FGF12: variants seen among roughly 807,000 people sequenced by gnomAD.
The protein encoded by FGF12 is fibroblast growth factor 12.
FGF12 carries 14 observed loss-of-function variants against 23.6 expected under a neutral mutation model. The observed-to-expected ratio is 0.59, with a 90% confidence interval of 0.39 to 0.93. The LOEUF (loss-of-function observed/expected upper bound fraction) is 0.93. Ranked by LOEUF, FGF12 falls within the 40% of genes least tolerant of loss-of-function variation. The probability of loss-of-function intolerance (pLI) is 0.00; values close to 1 mark genes in which losing one functional copy is unlikely to be tolerated. For missense variants in FGF12, 175 were observed against 217.8 expected, an observed-to-expected ratio of 0.80 and a Z score of 1.24; for synonymous variants, 62 against 77.3, an observed-to-expected ratio of 0.80 and a Z score of 1.04.
chr3:192,453,923 A>C (rs753871666), intron 2 of FGF12, among the ~76,000 whole-genome samples: 2 of 152,206 alleles, frequency 1.3e-5, no homozygotes, highest in Non-Finnish European at 2.9e-5. Flanking sequence ...TAAATAATAC[A>C]TATTTAGGAC....
intron 3 of FGF12, among the ~76,000 whole-genome samples, chr3:192,357,474 C>CTCAAAAAGTGTCA (rs1718525100): frequency 6.6e-6 from 1 of 151,402 alleles, no homozygotes; most frequent in Non-Finnish European, 1.5e-5. Flanking sequence ...GAGTGAGACT[C>CTCAAAAAGTGTCA]CATCTCAAAA....
intron 4 of FGF12, among the ~76,000 whole-genome samples, chr3:192,292,878 A>T (rs549617760): frequency 1.3e-5 from 2 of 152,170 alleles, no homozygotes; most frequent in East Asian, 3.9e-4. Context: ...CTGAGCTCAA[A>T]CGATCCTCCC....
At chr3:192,199,124 A>G (rs757170555) in intron 4 of FGF12, among the ~76,000 whole-genome samples, 4 of 152,200 alleles carry the variant, frequency 2.6e-5, no homozygotes, top group Non-Finnish European at 5.9e-5. Flanking sequence ...AATGCTAACT[A>G]AAGTTGCAAA....
At chr3:192,611,496 G>T (rs1339029488) in intron 2 of FGF12, among the ~76,000 whole-genome samples, 1 of 151,974 alleles carries the variant, frequency 6.6e-6, no homozygotes, top group Non-Finnish European at 1.5e-5. Flanking sequence ...TAGCCTTAAG[G>T]ATATCTGAAG....
chr3:192,327,955 G>T (rs1244587578), intron 4 of FGF12, among the ~76,000 whole-genome samples: 1 of 152,196 alleles, frequency 6.6e-6, no homozygotes, highest in Non-Finnish European at 1.5e-5. Context: ...AGATGCGAAT[G>T]TCAAGGCTCC....
chr3:192,188,162 G>T (rs1560184580), intron 4 of FGF12, among the ~76,000 whole-genome samples: 1 of 152,132 alleles, frequency 6.6e-6, no homozygotes, highest in Non-Finnish European at 1.5e-5. Flanking sequence ...GTGATTCTAA[G>T]AATGAAATCT....
In FGF12 at chr3:192,168,866, A is replaced by G. The variant is rs116080243; in HGVS notation, c.427+1592T>C. ...ATGTCATAATTTCTATGGGAGAGAAATGTATGCAATGACAAGCTGACCGAA... is the reference window on the plus strand; with the variant it reads ...ATGTCATAATTTCTATGGGAGAGAAGTGTATGCAATGACAAGCTGACCGAA... On this transcript the variant is annotated intron_variant, in intron 5 of 5. Transcript: ENST00000445105. Among the ~76,000 whole-genome samples, 571 of 152,336 alleles carry G rather than the reference A, an allele frequency of 3.7e-3. 3 individuals are homozygous for G. Among genetic ancestry groups the G allele is most frequent in the African/African-American group, 0.013 (546 of 41,590 alleles).
chr3:192,408,277 G>A lies in FGF12; in HGVS notation c.14-47739C>T, dbSNP rs1721050057. The A allele has an allele frequency of 1.3e-6, 2 of 1,504,218 alleles. No individual in the cohort carries two copies. Among genetic ancestry groups the A allele is most frequent in the Non-Finnish European group, 1.8e-6 (2 of 1,131,880 alleles). The allele number at this position is 1,504,218 out of a possible 1,614,324, so 93.2% of individuals were successfully genotyped here. ...GCCTCTACTGCGCCCTCCGGCTTGC[G>A]CTCCGCCGGGGCGAGGGCAGGACCT... On this transcript the variant is annotated intron_variant, in intron 2 of 5. Coordinates refer to ENST00000445105, the MANE Select transcript of FGF12 (RefSeq NM_004113.6). This position sits in a 1 kb window ranked among gnomAD's most constrained non-coding sequence, Gnocchi z 7.3.
intron 4 of FGF12, among the ~76,000 whole-genome samples, chr3:192,212,970 A>G (rs1718011189): frequency 6.6e-6 from 1 of 152,210 alleles, no homozygotes; most frequent in Non-Finnish European, 1.5e-5. Flanking sequence ...TGTCAGAGCT[A>G]TCTGTCTCGT....
chr3:192,580,771 A>G, intron 2 of FGF12, among the ~76,000 whole-genome samples: 1 of 151,930 alleles, frequency 6.6e-6, no homozygotes, highest in East Asian at 1.9e-4. Flanking sequence ...CTGTGCCCAG[A>G]TAATTTTAGT....
chr3:192,392,637 A>G (rs1576943007), intron 2 of FGF12, among the ~76,000 whole-genome samples: 9 of 76,944 alleles, frequency 1.2e-4, no homozygotes, highest in Admixed American at 3.5e-4. Flanking sequence ...AGAGAGAGGA[A>G]GGGAGGGAGG....
chr3:192,239,268 A>G (rs147846625), intron 4 of FGF12, among the ~76,000 whole-genome samples: 20 of 152,340 alleles, frequency 1.3e-4, no homozygotes, highest in East Asian at 9.6e-4. Flanking sequence ...AGAAAAATCC[A>G]TGGAAACTTG....
intron 2 of FGF12, among the ~76,000 whole-genome samples, chr3:192,423,304 A>G (rs992848426): frequency 3.9e-5 from 6 of 152,192 alleles, no homozygotes; most frequent in African/African-American, 1.4e-4. Flanking sequence ...ATATTGGCAT[A>G]AAATACCAAC....
chr3:192,226,998 A>G (rs1718769386), intron 4 of FGF12, among the ~76,000 whole-genome samples: 1 of 152,162 alleles, frequency 6.6e-6, no homozygotes, highest in South Asian at 2.1e-4. Context: ...GGGAGGATGC[A>G]GCACAAAAGG....
At position 192,358,710 on chromosome 3, in the gene FGF12, T is replaced by C. The variant is rs76162905; in HGVS notation, c.124+1718A>G. Reference sequence around the variant, plus strand: ...CTACCCTTCTGTCTCTGCCCCATGATAAATGTCATGCATTTGCAAGATAGT... The same window carrying C: ...CTACCCTTCTGTCTCTGCCCCATGACAAATGTCATGCATTTGCAAGATAGT... On this transcript the variant is annotated intron_variant, in intron 3 of 5. Transcript: ENST00000445105. Among the ~76,000 whole-genome samples the C allele has an allele frequency of 5.5e-3, 843 of 152,344 alleles. 29 individuals are homozygous for C. The East Asian group carries it at 0.091, about 16-fold the overall frequency.
intron 4 of FGF12, among the ~76,000 whole-genome samples, chr3:192,318,850 G>T (rs761436327): frequency 4.6e-5 from 7 of 151,872 alleles, no homozygotes; most frequent in Non-Finnish European, 1.0e-4. Context: ...GAGGAAAAAA[G>T]AAATACAAAA....
At chr3:192,216,222 T>C (rs1489460427) in intron 4 of FGF12, among the ~76,000 whole-genome samples, 1 of 152,198 alleles carries the variant, frequency 6.6e-6, no homozygotes, top group African/African-American at 2.4e-5. Context: ...TCTTTTATTT[T>C]TTCTCCTCGC....
At chr3:192,684,238 G>A (rs555268314) in intron 2 of FGF12, among the ~76,000 whole-genome samples, 16 of 152,290 alleles carry the variant, frequency 1.1e-4, no homozygotes, top group African/African-American at 3.9e-4. Flanking sequence ...ACCACTGAGA[G>A]GGCACATGCT....
At chr3:192,446,332 C>T (rs1722353446) in intron 2 of FGF12, among the ~76,000 whole-genome samples, 1 of 152,168 alleles carries the variant, frequency 6.6e-6, no homozygotes, top group South Asian at 2.1e-4. Flanking sequence ...ATCGGCAATT[C>T]AGTTTGCCTG....
Sources: allele counts gnomAD v4.1 joint callset (sites outside exome capture counted in the v4.1 genomes callset), GRCh38; gene constraint gnomAD v4.1.1; non-coding constraint Gnocchi (gnomAD v3.1); transcripts MANE v1.5; gene names NCBI Gene and HGNC (gene_info 2026-07-23, HGNC 2026-07-21).